Variants in DENND4A observed in about 807,000 individuals in gnomAD.
DENND4A encodes C-myc promoter-binding protein.
Under a neutral mutation model 199.3 loss-of-function variants are expected in DENND4A, and 70 were observed. The ratio of observed to expected loss-of-function variants is 0.35; its 90% CI spans 0.29 to 0.43. The LOEUF (loss-of-function observed/expected upper bound fraction) is 0.43, where lower values mean the gene tolerates loss of function less well. DENND4A is among the 20% of genes least tolerant of loss of function. The pLI, the probability that DENND4A is intolerant of heterozygous loss-of-function variation, is 1.00. For missense variants in DENND4A, 1,723 were observed against 2,255.8 expected, an observed-to-expected ratio of 0.76 and a Z score of 4.78; for synonymous variants, 686 against 766.9, an observed-to-expected ratio of 0.89 and a Z score of 1.74.
chr15:65,663,207 T>TTA (rs1566978837), intron 32 of DENND4A, among the ~76,000 whole-genome samples: 63 of 143,176 alleles, frequency 4.4e-4, no homozygotes, highest in African/African-American at 1.7e-3. Context: ...TATTTTTTTT[T>TTA]TTTTATTTTT....
rs1333507149 is a variant in DENND4A at position 65,659,498 on chromosome 15, G to A, written c.*2353C>T. On this transcript the variant is annotated 3_prime_UTR_variant, in exon 33 of 33. Coordinates refer to ENST00000443035, the MANE Select transcript of DENND4A (RefSeq NM_001320835.1). ...TACCAAGCATGAGCCACCATACCGA[G>A]CAAATTTAAAAAATTTTTTTGTAGA... 6.6e-6 allele frequency: 1 copy of A among 151,162 alleles called. No homozygotes were observed. 9.4% of individuals were successfully genotyped at this position (151,162 alleles called of 1,614,324 possible).
intron 2 of DENND4A, among the ~76,000 whole-genome samples, chr15:65,760,821 A>G (rs2076834590): frequency 6.6e-6 from 1 of 151,618 alleles, no homozygotes; most frequent in African/African-American, 2.4e-5. Context: ...CGCTGTAGGC[A>G]GAGGTTGCAA....
At chr15:65,785,400 G>A (rs1296710395) in intron 1 of DENND4A, among the ~76,000 whole-genome samples, 1 of 150,474 alleles carries the variant, frequency 6.6e-6, no homozygotes, top group Admixed American at 6.6e-5. Context: ...TGTGGTAGGA[G>A]GATCATTTGA....
At chr15:65,751,965 T>C (rs987843106) in intron 4 of DENND4A, among the ~76,000 whole-genome samples, 1 of 151,844 alleles carries the variant, frequency 6.6e-6, no homozygotes, top group East Asian at 1.9e-4. Context: ...AATATTTGCA[T>C]GTTGGAGGAA....
In DENND4A at chr15:65,771,415, A is replaced by G. The variant is rs1046701813; in HGVS notation, c.-101-9977T>C. 4 of 1,586,654 alleles carry G rather than the reference A, an allele frequency of 2.5e-6. No homozygotes were observed. The African/African-American group carries it at 5.4e-5, about 21-fold the overall frequency. ...ATTCATTTTTAAAGTCCTTGCTGAC[A>G]TAATAAACACCACCCAAGTTTTCTG... On this transcript the variant is annotated intron_variant, in intron 1 of 32. Coordinates refer to ENST00000443035, the MANE Select transcript of DENND4A (RefSeq NM_001320835.1).
chr15:65,705,005 C>T (rs1336506543), intron 15 of DENND4A, among the ~76,000 whole-genome samples: 1 of 151,926 alleles, frequency 6.6e-6, no homozygotes, highest in Non-Finnish European at 1.5e-5. Flanking sequence ...GACAAATAAG[C>T]ATAAAGTACA....
At chr15:65,785,166 T>A (rs1160178781) in intron 1 of DENND4A, among the ~76,000 whole-genome samples, 2 of 151,214 alleles carry the variant, frequency 1.3e-5, no homozygotes, top group Non-Finnish European at 3.0e-5. Flanking sequence ...GTGGTAAATA[T>A]TTTTTTTGTT....
At chr15:65,724,863 C>A (rs1443858591) in intron 11 of DENND4A, among the ~76,000 whole-genome samples, 1 of 152,174 alleles carries the variant, frequency 6.6e-6, no homozygotes, top group African/African-American at 2.4e-5. Context: ...CCATTCACTG[C>A]ATAGTGCCTG....
At chr15:65,787,606 A>T (rs2077599500) in intron 1 of DENND4A, among the ~76,000 whole-genome samples, 1 of 152,202 alleles carries the variant, frequency 6.6e-6, no homozygotes, top group Non-Finnish European at 1.5e-5. Flanking sequence ...ACCTACAATC[A>T]AGTAATGTTT....
chr15:65,660,129 T>C lies in DENND4A; in HGVS notation c.*1722A>G. ...ATGAAGAACAAGTAGAACATGAAGC[T>C]TGGATCTGAATAGTAAAGAATAATA... On this transcript the variant is annotated 3_prime_UTR_variant, in exon 33 of 33. Coordinates refer to ENST00000443035, the MANE Select transcript of DENND4A (RefSeq NM_001320835.1). The C allele has an allele frequency of 1.8e-6, 1 of 562,478 alleles. No homozygotes were observed. Among genetic ancestry groups the C allele is most frequent in the Non-Finnish European group, 3.1e-6 (1 of 318,404 alleles). The allele number at this position is 562,478 out of a possible 1,614,324, so 34.8% of individuals were successfully genotyped here. A position where few individuals can be genotyped will look rare whatever the true frequency, so the allele number is the denominator to read the frequency against.
chr15:65,743,304 T>G lies in DENND4A; in HGVS notation c.562-1520A>C, dbSNP rs576373465. 6.6e-5 allele frequency among the ~76,000 whole-genome samples: 10 copies of G among 152,324 alleles called. No homozygotes were observed. In the East Asian group the frequency reaches 1.9e-3, roughly 29 times the overall value. On this transcript the variant is annotated intron_variant, in intron 4 of 32. Transcript: ENST00000443035. ...ATCTCTTTATTCTCCCCATAATTTATTCTGCTTTAAGACACACCATTTTCC... is the reference window on the plus strand; with the variant it reads ...ATCTCTTTATTCTCCCCATAATTTAGTCTGCTTTAAGACACACCATTTTCC...
chr15:65,665,565 G>C, intron 29 of DENND4A, 103 bp from the exon 30 acceptor site: 1 of 803,544 alleles, frequency 1.2e-6, no homozygotes. Flanking sequence ...ATATGTGCGA[G>C]ACAGAAAAGA....
chr15:65,698,416 CAT>C (rs2077227750), intron 20 of DENND4A, among the ~76,000 whole-genome samples: 1 of 152,162 alleles, frequency 6.6e-6, no homozygotes. Flanking sequence ...TCTTAGGAGA[CAT>C]ATGATTTTAA....
chr15:65,700,040 T>C (rs8038209), intron 20 of DENND4A, among the ~76,000 whole-genome samples: 30,896 of 151,714 alleles, frequency 0.2, 4,169 homozygotes, highest in East Asian at 0.73. Context: ...TCACTTAAGA[T>C]TTAGAAGTTG....
intron 11 of DENND4A, among the ~76,000 whole-genome samples, chr15:65,727,151 T>C (rs1348719389): frequency 6.6e-6 from 1 of 151,392 alleles, no homozygotes; most frequent in Non-Finnish European, 1.5e-5. Context: ...CCTTCTCATT[T>C]TAAAAAATTA....
chr15:65,790,999 C>A (rs2077703230), intron 1 of DENND4A, among the ~76,000 whole-genome samples: 1 of 152,204 alleles, frequency 6.6e-6, no homozygotes, highest in Non-Finnish European at 1.5e-5. Flanking sequence ...TATATACACA[C>A]CAAATAACAG....
chr15:65,698,510 T>A (rs1029520178), intron 20 of DENND4A, among the ~76,000 whole-genome samples: 2 of 152,064 alleles, frequency 1.3e-5, no homozygotes, highest in Admixed American at 6.5e-5. Context: ...TGAGACTATA[T>A]ATGAAAAATG....
chr15:65,696,468 C>T lies in DENND4A; in HGVS notation c.2980G>A (p.Ala994Thr), dbSNP rs763128725. Residue 994 changes from alanine to threonine, a missense_variant, in exon 22 of 33, where the codon GCT becomes ACT. Coordinates refer to ENST00000443035, the MANE Select transcript of DENND4A (RefSeq NM_001320835.1). The part of the protein sequence containing the change: ...LSESESTKGS[A>T]DCLPKLSYQN... The stretch of plus-strand genomic sequence containing the variant: ...TAACTGAGCTTAGGAAGGCAATCAG[C>T]ACTTCCTTTTGTACTCTCACTCTCT... 159 of 1,612,160 alleles carry T rather than the reference C, an allele frequency of 9.9e-5. 2 individuals carry two copies. The South Asian group carries it at 1.5e-3, about 15-fold the overall frequency.
intron 1 of DENND4A, among the ~76,000 whole-genome samples, chr15:65,769,737 A>T (rs1274489469): frequency 6.6e-6 from 1 of 152,074 alleles, no homozygotes; most frequent in Non-Finnish European, 1.5e-5. Flanking sequence ...AGATGCCATA[A>T]ATTAACTACA....
Sources: gnomAD v4.1 joint callset for allele counts (sites outside exome capture counted in the v4.1 genomes callset) on GRCh38, gnomAD v4.1.1 for gene constraint, MANE v1.5 for transcripts, NCBI Gene and HGNC (gene_info 2026-07-23, HGNC 2026-07-21) for gene names.